ERBIN: variants seen among roughly 807,000 people sequenced by gnomAD.
ERBIN encodes the protein erbb2 interacting protein.
Under a neutral mutation model 158.4 loss-of-function variants are expected in ERBIN, and 60 were observed. That is an observed-to-expected ratio of 0.38 (90% CI 0.31 to 0.47). The LOEUF (loss-of-function observed/expected upper bound fraction) is 0.47, where lower values mean the gene tolerates loss of function less well. ERBIN is among the 20% of genes least tolerant of loss of function. ERBIN has a pLI of 0.99. For synonymous variants in ERBIN, 594 were observed against 557.2 expected, an observed-to-expected ratio of 1.07 and a Z score of -0.93; for missense variants, 1,610 against 1,648.0, an observed-to-expected ratio of 0.98 and a Z score of 0.40.
intron 17 of ERBIN, among the ~76,000 whole-genome samples, chr5:66,045,595 TG>T (rs1489633733): frequency 3.3e-5 from 5 of 152,188 alleles, no homozygotes; most frequent in African/African-American, 1.2e-4. Flanking sequence ...ATACCACTGT[TG>T]TTAAGTGCCA....
intron 1 of ERBIN, among the ~76,000 whole-genome samples, chr5:65,936,539 T>C (rs1744102182): frequency 6.6e-6 from 1 of 152,210 alleles, no homozygotes; most frequent in Admixed American, 6.5e-5. Flanking sequence ...GTCTGCTCTT[T>C]TAAAAGCCAT....
At chr5:66,048,478 G>GA (rs1758680502) in intron 18 of ERBIN, among the ~76,000 whole-genome samples, 189 bp from the exon 19 acceptor site, 1 of 151,964 alleles carries the variant, frequency 6.6e-6, no homozygotes, top group Non-Finnish European at 1.5e-5. Context: ...ATGGTGCCAT[G>GA]AAAAGGATAG....
intron 19 of ERBIN, 99 bp downstream of exon 19, chr5:66,048,880 A>G: frequency 1.5e-6 from 1 of 681,598 alleles, no homozygotes. Flanking sequence ...TATTTGATAC[A>G]TTTTAGAAAC....
chr5:65,957,279 A>C (rs1747268052), intron 1 of ERBIN, among the ~76,000 whole-genome samples: 1 of 151,544 alleles, frequency 6.6e-6, no homozygotes, highest in African/African-American at 2.4e-5. Context: ...GGGATTTGGC[A>C]GGGTCACAGG....
chr5:66,077,800 A>AGT (rs1470700023), intron 25 of ERBIN, among the ~76,000 whole-genome samples: 41 of 136,874 alleles, frequency 3.0e-4, no homozygotes, highest in African/African-American at 1.4e-3. Flanking sequence ...ACACATACAC[A>AGT]CACACACACA....
chr5:66,066,358 T>C lies in ERBIN; in HGVS notation c.3634-5811T>C, dbSNP rs541449185. On this transcript the variant is annotated intron_variant, in intron 21 of 25. Transcript: ENST00000284037. The stretch of plus-strand genomic sequence containing the variant: ...TGGCAAAGTAGACATTTAAAAATTT[T>C]ACCCTGGGGGCTTTCACAGTGCCTG... Among the ~76,000 whole-genome samples the C allele has an allele frequency of 1.6e-4, 24 of 152,184 alleles. 1 individual carries two copies. In the South Asian group the frequency reaches 1.7e-3, roughly 11 times the overall value.
rs772849550 is a variant in ERBIN, at chr5:66,053,458, A to T, written c.2140A>T (p.Ser714Cys). The change falls in exon 21 of 26, where the codon AGT becomes TGT. Residue 714 changes from serine (S) to cysteine (C), a missense_variant. Coordinates refer to ENST00000284037, the MANE Select transcript of ERBIN (RefSeq NM_001253697.2). The stretch of plus-strand genomic sequence containing the variant: ...TTTACAAAATGGAGATATTTTAAAC[A>T]GTTCAACAGAGGAAAAGTTCAAAGC... Reference protein sequence around the residue: ...SLLQNGDILNSSTEEKFKAHD... With the variant: ...SLLQNGDILNCSTEEKFKAHD... The T allele has an allele frequency of 1.3e-6, 2 of 1,568,758 alleles. No homozygotes were observed. The highest frequency in any genetic ancestry group is 1.7e-6 in the Non-Finnish European group (2 of 1,164,852).
intron 1 of ERBIN, among the ~76,000 whole-genome samples, chr5:65,979,907 A>G (rs1750463280): frequency 6.6e-6 from 1 of 152,248 alleles, no homozygotes. Context: ...CAAAAGTTGG[A>G]AGTAAATATA....
At chr5:66,003,077 T>G (rs1476454631) in intron 4 of ERBIN, among the ~76,000 whole-genome samples, 1 of 152,246 alleles carries the variant, frequency 6.6e-6, no homozygotes, top group African/African-American at 2.4e-5. Context: ...CATACATGTG[T>G]TATCCTCTGG....
chr5:65,992,134 G>GA (rs1282623517), intron 2 of ERBIN, among the ~76,000 whole-genome samples: 1 of 152,118 alleles, frequency 6.6e-6, no homozygotes, highest in Non-Finnish European at 1.5e-5. Context: ...TGAGTACTAA[G>GA]AAGCAGACTC....
chr5:65,991,038 G>A (rs1281571781), intron 2 of ERBIN, among the ~76,000 whole-genome samples: 1 of 152,134 alleles, frequency 6.6e-6, no homozygotes, highest in African/African-American at 2.4e-5. Context: ...TTACCGGTCT[G>A]AGCTACTGCG....
intron 1 of ERBIN, among the ~76,000 whole-genome samples, chr5:65,931,639 A>C (rs1291379076): frequency 6.6e-6 from 1 of 152,184 alleles, no homozygotes; most frequent in East Asian, 1.9e-4. Context: ...AAATAGTGGC[A>C]ATGTTTTATA....
Position 66,004,663 on chromosome 5 carries a change from A to G in ERBIN, c.308-7386A>G, listed in dbSNP as rs190396687. Among the ~76,000 whole-genome samples the G allele has an allele frequency of 2.6e-5, 4 of 152,280 alleles. No homozygotes were observed. The East Asian group carries it at 7.7e-4, about 29-fold the overall frequency. ...AATGATCTGCCCACCTCAGCCTTCC[A>G]AAGTGCTGGTATTACATGCGTGAGC... is the stretch of plus-strand genomic sequence containing the variant. On this transcript the variant is annotated intron_variant, in intron 4 of 25. Transcript: ENST00000284037.
intron 1 of ERBIN, among the ~76,000 whole-genome samples, chr5:65,949,964 A>G (rs939228098): frequency 6.6e-6 from 1 of 150,654 alleles, no homozygotes; most frequent in East Asian, 2.0e-4. Context: ...GAGCCACTAC[A>G]GTATGCAGGA....
At chr5:65,977,843 C>T in intron 1 of ERBIN, among the ~76,000 whole-genome samples, 1 of 152,144 alleles carries the variant, frequency 6.6e-6, no homozygotes, top group Non-Finnish European at 1.5e-5. Flanking sequence ...CGAGATCACG[C>T]CACTGCACTC....
chr5:65,961,117 T>C (rs1004908144), intron 1 of ERBIN: 1 of 152,182 alleles, frequency 6.6e-6, no homozygotes, highest in Non-Finnish European at 1.5e-5. Flanking sequence ...GGTCCACAAT[T>C]CCTTCTGTGT....
intron 14 of ERBIN, among the ~76,000 whole-genome samples, chr5:66,035,929 TAGAAAA>T (rs1009324117): frequency 6.6e-6 from 1 of 151,694 alleles, no homozygotes; most frequent in Non-Finnish European, 1.5e-5. Context: ...TCCCATCTCT[TAGAAAA>T]AGAAATAGCC....
intron 1 of ERBIN, among the ~76,000 whole-genome samples, chr5:65,987,367 T>TACACACACAAACACACAC (rs1751349721): frequency 7.4e-6 from 1 of 135,684 alleles, no homozygotes; most frequent in African/African-American, 2.8e-5. Flanking sequence ...AGAGACTGTC[T>TACACACACAAACACACAC]ACACACACAC....
At chr5:66,056,789 CTCA>C (rs1759626158) in intron 21 of ERBIN, among the ~76,000 whole-genome samples, 1 of 152,132 alleles carries the variant, frequency 6.6e-6, no homozygotes, top group South Asian at 2.1e-4. Flanking sequence ...TGCTTGTTCT[CTCA>C]TCATTTGCTT....
Sources: allele counts gnomAD v4.1 joint callset (sites outside exome capture counted in the v4.1 genomes callset), GRCh38; gene constraint gnomAD v4.1.1; transcripts MANE v1.5; gene names NCBI Gene and HGNC (gene_info 2026-07-23, HGNC 2026-07-21).